The following TSHR variants were observed in gnomAD, a reference collection of about 807,000 sequenced individuals.
The protein encoded by TSHR is thyrotropin receptor.
In TSHR, 51 loss-of-function variants were observed where a neutral mutation model predicts 64.1. The ratio of observed to expected loss-of-function variants is 0.80; its 90% confidence interval spans 0.64 to 1.01. The LOEUF is 1.01. TSHR is among the 50% of genes least tolerant of loss of function. The probability of loss-of-function intolerance (pLI) is 0.00; values close to 1 mark genes in which losing one functional copy is unlikely to be tolerated. For missense variants in TSHR, 877 were observed against 942.8 expected, an observed-to-expected ratio of 0.93 and a Z score of 0.91; for synonymous variants, 361 against 361.9, an observed-to-expected ratio of 1.00 and a Z score of 0.03.
intron 1 of TSHR, among the ~76,000 whole-genome samples, chr14:80,969,859 C>A (rs544788624): frequency 2.0e-5 from 3 of 152,324 alleles, no homozygotes; most frequent in South Asian, 4.1e-4. Context: ...GTTTCCTAGA[C>A]TTTCTTGTTC....
chr14:81,090,989 A>G, intron 4 of TSHR, 80 bp from the exon 5 acceptor site: 1 of 1,208,606 alleles, frequency 8.3e-7, no homozygotes, highest in Non-Finnish European at 1.2e-6. Context: ...GCTTTCAGCT[A>G]TTACATTATT....
In TSHR at chr14:81,001,240, T is replaced by C. The variant is rs115564436; in HGVS notation, c.170+45390T>C. 628 of 179,002 alleles carry C rather than the reference T, an allele frequency of 3.5e-3. 4 individuals carry two copies. Among genetic ancestry groups the C allele is most frequent in the African/African-American group, 0.014 (588 of 42,352 alleles). The allele number at this position is 179,002 out of a possible 1,614,324, so 11.1% of individuals were successfully genotyped here. On this transcript the variant is annotated intron_variant, in intron 1 of 9. Transcript: ENST00000298171. ...TTCCTTATGTACAACAGAAATATCA[T>C]ATGTTGCAGCAATATCAGCACAAAA... is the stretch of plus-strand genomic sequence containing the variant.
At chr14:81,109,149 C>T (rs984223335) in intron 8 of TSHR, among the ~76,000 whole-genome samples, 12 of 152,186 alleles carry the variant, frequency 7.9e-5, no homozygotes, top group African/African-American at 2.9e-4. Context: ...GTGTCTCACA[C>T]CTGTAATCCC....
intron 1 of TSHR, among the ~76,000 whole-genome samples, chr14:81,002,065 G>A (rs963069036): frequency 1.3e-5 from 2 of 152,128 alleles, no homozygotes; most frequent in Non-Finnish European, 2.9e-5. Context: ...AAACTGACAT[G>A]AGGTGATATC....
chr14:81,108,433 T>C lies in TSHR; in HGVS notation c.673T>C (p.Tyr225His), dbSNP rs369590735. 3.7e-6 allele frequency: 6 copies of C among 1,613,808 alleles called. No homozygotes were observed. In the East Asian group the frequency reaches 1.1e-4, roughly 30 times the overall value. The change falls in exon 8 of 10, where the codon TAC becomes CAC. Residue 225 changes from tyrosine to histidine, a missense_variant. Transcript: ENST00000298171. ...TGACAAAGATGCATTTGGAGGAGTA[T>C]ACAGTGGACCAAGCTTGCTGTGAGT... ...VIDKDAFGGV[Y>H]SGPSLLDVSQ...
chr14:81,084,807 C>T (rs1306345892), intron 3 of TSHR, among the ~76,000 whole-genome samples: 1 of 152,166 alleles, frequency 6.6e-6, no homozygotes, highest in East Asian at 1.9e-4. Context: ...TCAAATTCAC[C>T]CTCAGAGGCA....
intron 3 of TSHR, 118 bp from the exon 4 acceptor site, chr14:81,087,836 T>C: frequency 1.2e-6 from 1 of 816,148 alleles, no homozygotes; most frequent in Non-Finnish European, 2.1e-6. Context: ...GGGTACCCTG[T>C]GGCGTAAATG....
chr14:81,092,446 T>C lies in TSHR; in HGVS notation c.468-85T>C, dbSNP rs1463429177. ...AAGATTAAGCTATATTGTGTCCTGT[T>C]ATTTAAGTGCATATGCGCAGCAAGA... is the stretch of plus-strand genomic sequence containing the variant. On this transcript the variant is annotated intron_variant, in intron 5 of 9. Coordinates refer to ENST00000298171, the MANE Select transcript of TSHR (RefSeq NM_000369.5). The C allele has an allele frequency of 1.0e-4, 120 of 1,191,520 alleles. No individual in the cohort carries two copies. The East Asian group carries it at 2.7e-3, about 27-fold the overall frequency. The allele number at this position is 1,191,520 out of a possible 1,614,324, so 73.8% of individuals were successfully genotyped here.
intron 2 of TSHR, among the ~76,000 whole-genome samples, chr14:81,067,483 T>TCATATATATATA (rs10528933): frequency 7.4e-6 from 1 of 134,976 alleles, no homozygotes; most frequent in African/African-American, 2.9e-5. Context: ...GTTTATAGTT[T>TCATATATATATA]TATATATATA....
Position 80,979,243 on chromosome 14 carries a change from A to C in TSHR, c.170+23393A>C, listed in dbSNP as rs1888046988. Among the ~76,000 whole-genome samples, 7 of 99,946 alleles carry C rather than the reference A, an allele frequency of 7.0e-5. No individual in the cohort carries two copies. In the South Asian group the frequency reaches 2.4e-3, roughly 34 times the overall value. The allele number at this position is 99,946 out of a possible 152,430, so 65.6% of individuals were successfully genotyped here. ...TGATCTCATGCATATGTGGAGTCTA[A>C]CAACATTGATCTCGTAGAAGCATCA... On this transcript the variant is annotated intron_variant, in intron 1 of 9. Coordinates refer to ENST00000298171, the MANE Select transcript of TSHR (RefSeq NM_000369.5).
chr14:81,062,031 C>A, intron 1 of TSHR, 117 bp from the exon 2 acceptor site: 1 of 856,602 alleles, frequency 1.2e-6, no homozygotes, highest in Non-Finnish European at 1.8e-6. Flanking sequence ...GATTATGTAT[C>A]AGCCAACATA....
At chr14:80,992,242 A>T (rs1182500071) in intron 1 of TSHR, 4 of 152,216 alleles carry the variant, frequency 2.6e-5, no homozygotes, top group Non-Finnish European at 5.9e-5. Flanking sequence ...TCTACTAAAA[A>T]TACAAAAATT....
intron 1 of TSHR, among the ~76,000 whole-genome samples, chr14:80,967,523 G>C (rs1385984610): frequency 2.0e-5 from 3 of 152,016 alleles, no homozygotes; most frequent in Non-Finnish European, 4.4e-5. Flanking sequence ...GACCTCAGGG[G>C]ATCTGGCCGC....
At chr14:80,981,437 A>G (rs891730538) in intron 1 of TSHR, among the ~76,000 whole-genome samples, 4 of 152,186 alleles carry the variant, frequency 2.6e-5, no homozygotes, top group Admixed American at 2.6e-4. Context: ...AGGAGCAGCC[A>G]GAGGACAACA....
At chr14:81,075,100 C>T (rs1355588019) in intron 3 of TSHR, among the ~76,000 whole-genome samples, 1 of 152,228 alleles carries the variant, frequency 6.6e-6, no homozygotes, top group Non-Finnish European at 1.5e-5. Context: ...CCATAATTTA[C>T]TTTTTTACCA....
intron 8 of TSHR, among the ~76,000 whole-genome samples, chr14:81,122,125 T>C (rs113866322): frequency 0.51 from 67,551 of 131,696 alleles, 19,361 homozygotes; most frequent in African/African-American, 0.8. Context: ...CTCACTGCAA[T>C]CTCCACCTCC....
At chr14:81,071,416 T>G (rs1197982974) in intron 3 of TSHR, among the ~76,000 whole-genome samples, 1 of 152,190 alleles carries the variant, frequency 6.6e-6, no homozygotes, top group Non-Finnish European at 1.5e-5. Flanking sequence ...CATTTTATCC[T>G]TTGCTTTTTA....
Position 81,103,139 on chromosome 14 carries a change from T to C in TSHR, c.615-5236T>C, listed in dbSNP as rs561840883. The C allele has an allele frequency of 1.1e-3, 1,107 of 985,376 alleles. 2 individuals carry two copies. Among genetic ancestry groups the C allele is most frequent in the Admixed American group, 3.9e-3 (63 of 16,282 alleles). 61.0% of individuals were successfully genotyped at this position (985,376 alleles called of 1,614,324 possible). A position where few individuals can be genotyped will look rare whatever the true frequency, so the allele number is the denominator to read the frequency against. ...CCCTGGGACTGGAGGAAGACAAGGA[T>C]TGAGCTATAGGTGAAGGAAAGAAAG... is the stretch of plus-strand genomic sequence containing the variant. On this transcript the variant is annotated intron_variant, in intron 7 of 9. Coordinates refer to ENST00000298171, the MANE Select transcript of TSHR (RefSeq NM_000369.5). This position sits in a 1 kb window ranked among gnomAD's most constrained non-coding sequence, Gnocchi z 4.1.
At chr14:81,107,374 C>T (rs919171633) in intron 7 of TSHR, among the ~76,000 whole-genome samples, 2 of 152,062 alleles carry the variant, frequency 1.3e-5, no homozygotes, top group Non-Finnish European at 2.9e-5. Context: ...TTAAGTGGAC[C>T]AGGTTATGTT....
Sources: gnomAD v4.1 joint callset for allele counts (sites outside exome capture counted in the v4.1 genomes callset) on GRCh38, gnomAD v4.1.1 for gene constraint, Gnocchi (gnomAD v3.1) non-coding constraint, MANE v1.5 for transcripts, NCBI Gene and HGNC (gene_info 2026-07-23, HGNC 2026-07-21) for gene names.